Variants in CYP2C19 observed in about 807,000 individuals in gnomAD.
CYP2C19 encodes cytochrome P450 2C19.
CYP2C19 carries 59 observed loss-of-function variants against 40.9 expected under a neutral mutation model. The ratio of observed to expected loss-of-function variants is 1.44; its 90% confidence interval spans 1.17 to 1.79. The LOEUF (loss-of-function observed/expected upper bound fraction) is 1.79. Ranked by LOEUF, CYP2C19 falls within the 40% of genes most tolerant of loss-of-function variation. CYP2C19 has a pLI of 0.00. For missense variants in CYP2C19, 754 were observed against 596.9 expected (o/e 1.26, Z -2.74); for synonymous variants, 253 against 208.7 (o/e 1.21, Z -1.83).
chr10:94,808,541 C>T (rs182770376), intron 5 of CYP2C19, among the ~76,000 whole-genome samples: 1 of 152,212 alleles, frequency 6.6e-6, no homozygotes, highest in Admixed American at 6.5e-5. Flanking sequence ...TTAATTATAA[C>T]TATTTTTGTA....
rs565475761 is a variant in CYP2C19 at position 94,824,589 on chromosome 10, A to C, written c.961+3952A>C. On this transcript the variant is annotated intron_variant, in intron 6 of 8. Coordinates refer to ENST00000371321, the MANE Select transcript of CYP2C19 (RefSeq NM_000769.4). Reference sequence around the variant, plus strand: ...AAACGTGTTATTTTGATGTAAAATTAATTCCTGTTTTTTTCCAAGACAGTA... The same window carrying C: ...AAACGTGTTATTTTGATGTAAAATTCATTCCTGTTTTTTTCCAAGACAGTA... Among the ~76,000 whole-genome samples, 12 of 152,276 alleles carry C rather than the reference A, an allele frequency of 7.9e-5. No individual in the cohort carries two copies. In the South Asian group the frequency reaches 1.2e-3, roughly 16 times the overall value.
intron 5 of CYP2C19, among the ~76,000 whole-genome samples, chr10:94,784,206 T>G (rs1170350199): frequency 1.3e-5 from 2 of 148,554 alleles, no homozygotes; most frequent in African/African-American, 2.5e-5. Flanking sequence ...GAGGCTCATC[T>G]AAGTTGTAGC....
In CYP2C19 at chr10:94,775,117, G is replaced by A. The variant is rs1848388802; in HGVS notation, c.228G>A (p.Val76=). ...TLYFGLERMV[V]LHGYEVVKEA... ...ATTTTGGCCTGGAACGCATGGTGGT[G>A]CTGCATGGATATGAAGTGGTGAAGG... The change falls in exon 2 of 9, where the codon GTG becomes GTA. Residue 76 remains valine (V), a synonymous_variant. Coordinates refer to ENST00000371321, the MANE Select transcript of CYP2C19 (RefSeq NM_000769.4). The A allele has an allele frequency of 1.2e-6, 2 of 1,614,124 alleles. No individual in the cohort carries two copies. The highest frequency in any genetic ancestry group is 1.6e-4 in the Middle Eastern group (1 of 6,062).
At chr10:94,775,744 G>C in intron 3 of CYP2C19, 1 of 742,428 alleles carries the variant, frequency 1.3e-6, no homozygotes, top group Non-Finnish European at 2.2e-6. Flanking sequence ...CATACAGTGT[G>C]GGTATAAAAG....
At chr10:94,806,909 T>C (rs1178336839) in intron 5 of CYP2C19, among the ~76,000 whole-genome samples, 1 of 151,946 alleles carries the variant, frequency 6.6e-6, no homozygotes, top group African/African-American at 2.4e-5. Flanking sequence ...ACATTAAAAA[T>C]CTGCTCTTCT....
chr10:94,767,063 A>T (rs953087909), intron 1 of CYP2C19, among the ~76,000 whole-genome samples: 1 of 152,134 alleles, frequency 6.6e-6, no homozygotes, highest in Non-Finnish European at 1.5e-5. Flanking sequence ...CCGTTTCCTG[A>T]TCAAGTAGGA....
intron 1 of CYP2C19, among the ~76,000 whole-genome samples, chr10:94,764,851 G>A (rs1848219220): frequency 6.6e-6 from 1 of 152,170 alleles, no homozygotes; most frequent in African/African-American, 2.4e-5. Flanking sequence ...GACCTAGAAA[G>A]GGGAGAAGCC....
chr10:94,832,795 G>A (rs1849353477), intron 6 of CYP2C19, among the ~76,000 whole-genome samples: 1 of 151,946 alleles, frequency 6.6e-6, no homozygotes. Flanking sequence ...CTATTTCTGT[G>A]AAGAATGTCA....
chr10:94,822,399 AG>A lies in CYP2C19; in HGVS notation c.961+1763del, dbSNP rs1849138742. Among the ~76,000 whole-genome samples, 4 of 152,150 alleles carry A rather than the reference AG, an allele frequency of 2.6e-5. No individual in the cohort carries two copies. The South Asian group carries it at 8.3e-4, about 32-fold the overall frequency. ...TGGGAATTATGGGAGCCAAAGTCCA[AG>A]ATGAGATTTGAGTGGGGACACAGTC... On this transcript the variant is annotated intron_variant, in intron 6 of 8. Transcript: ENST00000371321.
intron 7 of CYP2C19, 62 bp downstream of exon 7, chr10:94,843,086 AT>A: frequency 2.5e-6 from 4 of 1,586,642 alleles, no homozygotes; most frequent in Non-Finnish European, 3.5e-6. Context: ...TCACAGTATG[AT>A]TCTTACCCTC....
intron 6 of CYP2C19, among the ~76,000 whole-genome samples, chr10:94,836,140 T>C (rs1191107632): frequency 6.6e-6 from 1 of 152,204 alleles, no homozygotes; most frequent in African/African-American, 2.4e-5. Context: ...AGCCTGATAT[T>C]TAAGTAAGTG....
chr10:94,780,697 C>G (rs778521013), intron 4 of CYP2C19, 38 bp downstream of exon 4: 5 of 1,609,716 alleles, frequency 3.1e-6, no homozygotes, highest in African/African-American at 2.7e-5. Flanking sequence ...AAACCACTTA[C>G]AGTCTTTTTT....
intron 1 of CYP2C19, among the ~76,000 whole-genome samples, chr10:94,769,914 C>T (rs1224884912): frequency 1.3e-5 from 2 of 152,138 alleles, no homozygotes; most frequent in East Asian, 3.8e-4. Context: ...TAATATATCC[C>T]TCCTTAATAA....
At chr10:94,831,213 C>CT (rs201682436) in intron 6 of CYP2C19, among the ~76,000 whole-genome samples, 11,803 of 152,124 alleles carry the variant, frequency 0.078, 526 homozygotes, top group South Asian at 0.12. Context: ...GAATCTCATT[C>CT]TTTTTTTATG....
chr10:94,821,883 A>G (rs914238860), intron 6 of CYP2C19, among the ~76,000 whole-genome samples: 7 of 151,960 alleles, frequency 4.6e-5, no homozygotes, highest in Admixed American at 2.6e-4. Context: ...CAACTATTTC[A>G]TCACCCTGGC....
chr10:94,800,438 C>T (rs1848747432), intron 5 of CYP2C19, among the ~76,000 whole-genome samples: 1 of 152,204 alleles, frequency 6.6e-6, no homozygotes, highest in Admixed American at 6.5e-5. Flanking sequence ...TGTCTGTTGG[C>T]CCCTACTGGG....
At chr10:94,831,193 G>A (rs1490914460) in intron 6 of CYP2C19, among the ~76,000 whole-genome samples, 2 of 151,784 alleles carry the variant, frequency 1.3e-5, no homozygotes, top group Non-Finnish European at 2.9e-5. Flanking sequence ...TCATGTTGTT[G>A]CAAATGACTG....
intron 6 of CYP2C19, among the ~76,000 whole-genome samples, chr10:94,824,517 TAC>T (rs1290195852): frequency 2.6e-5 from 4 of 152,160 alleles, no homozygotes; most frequent in Non-Finnish European, 5.9e-5. Context: ...GCTGCACAAA[TAC>T]ACAGTTATAT....
In CYP2C19 at chr10:94,768,394, G is replaced by A. The variant is rs116217875; in HGVS notation, c.168+5521G>A. Among the ~76,000 whole-genome samples the A allele has an allele frequency of 3.0e-3, 452 of 152,272 alleles. 3 individuals are homozygous for A. The highest frequency in any genetic ancestry group is 0.01 in the African/African-American group (425 of 41,564). On this transcript the variant is annotated intron_variant, in intron 1 of 8. Coordinates refer to ENST00000371321, the MANE Select transcript of CYP2C19 (RefSeq NM_000769.4). ...GGATTAGCTAAGGGGACTTCTAAGA[G>A]GTCATCTCAGGTGGCATAAATCTGG... is the stretch of plus-strand genomic sequence containing the variant.
Sources: allele counts gnomAD v4.1 joint callset (sites outside exome capture counted in the v4.1 genomes callset), GRCh38; gene constraint gnomAD v4.1.1; transcripts MANE v1.5; gene names NCBI Gene and HGNC (gene_info 2026-07-23, HGNC 2026-07-21).